The following TENM3 variants were observed in gnomAD, a reference collection of about 807,000 sequenced individuals.
TENM3 encodes the protein teneurin-3.
A neutral mutation model predicts 255.1 loss-of-function variants in TENM3; 63 were observed. The ratio of observed to expected loss-of-function variants is 0.25; its 90% confidence interval spans 0.20 to 0.30. The LOEUF (loss-of-function observed/expected upper bound fraction) is 0.30. Among genes scored for constraint, TENM3 ranks in the 10% least tolerant of loss-of-function variants. The probability of loss-of-function intolerance (pLI) is 1.00; values close to 1 mark genes in which losing one functional copy is unlikely to be tolerated. For missense variants in TENM3, 2,929 were observed against 3,461.1 expected (o/e 0.85, Z 3.86); for synonymous variants, 1,306 against 1,322.3 (o/e 0.99, Z 0.27).
chr4:182,490,506 C>T (rs977110473), intron 3 of TENM3, among the ~76,000 whole-genome samples: 1 of 151,908 alleles, frequency 6.6e-6, no homozygotes, highest in African/African-American at 2.4e-5. Flanking sequence ...CAGGAGCTCA[C>T]CAAACAATAA....
At chr4:181,574,523 G>A in the TENM3 span, among the ~76,000 whole-genome samples, 4 of 150,404 alleles carry the variant, frequency 2.7e-5, no homozygotes, top group Non-Finnish European at 4.4e-5. Context: ...GGGCGACAGA[G>A]CGAGACTCCG....
chr4:182,601,605 A>G (rs1182600197), intron 4 of TENM3, among the ~76,000 whole-genome samples: 1 of 152,212 alleles, frequency 6.6e-6, no homozygotes, highest in Non-Finnish European at 1.5e-5. Flanking sequence ...GAGCCCCACT[A>G]TGAATATAAC....
rs375299564 is a variant in TENM3 at position 182,743,177 on chromosome 4, G to A, written c.3387G>A (p.Leu1129=). Residue 1129 remains leucine, a synonymous_variant, in exon 19 of 28, where the codon CTG becomes CTA. Transcript: ENST00000511685. ...GCACTTTATTTCTTCTAGGTATACT[G>A]TACAAGGGAAACGGGGAAAACCAGT... The part of the protein sequence containing the change: ...HHVLDVQNGI[L]YKGNGENQFI... The A allele has an allele frequency of 1.2e-6, 2 of 1,612,118 alleles. No individual in the cohort carries two copies. Among genetic ancestry groups the A allele is most frequent in the Non-Finnish European group, 1.7e-6 (2 of 1,178,328 alleles).
At chr4:181,822,958 G>T in the TENM3 span, among the ~76,000 whole-genome samples, 2 of 152,042 alleles carry the variant, frequency 1.3e-5, no homozygotes, top group Non-Finnish European at 2.9e-5. Flanking sequence ...ACATACAATC[G>T]TATGTGGCAA....
chr4:181,491,079 C>T, the TENM3 span, among the ~76,000 whole-genome samples: 2 of 151,662 alleles, frequency 1.3e-5, no homozygotes, highest in Non-Finnish European at 2.9e-5. Context: ...TCTGAGACTT[C>T]GTGATTTACG....
chr4:181,504,306 T>C, the TENM3 span, among the ~76,000 whole-genome samples: 79 of 152,312 alleles, frequency 5.2e-4, no homozygotes, highest in African/African-American at 1.7e-3. Flanking sequence ...TTGTCTCTCT[T>C]CTTACTCTTG....
intron 7 of TENM3, among the ~76,000 whole-genome samples, chr4:182,675,128 G>A (rs1051040543): frequency 2.0e-5 from 3 of 149,830 alleles, no homozygotes; most frequent in Non-Finnish European, 4.5e-5. Context: ...TGCCCTCCTC[G>A]GCCTCCCAAA....
the TENM3 span, among the ~76,000 whole-genome samples, chr4:182,113,660 T>C: frequency 1.3e-5 from 2 of 152,108 alleles, no homozygotes; most frequent in Non-Finnish European, 2.9e-5. Context: ...AAATAAGTAT[T>C]ACAAATACGA....
chr4:181,930,463 C>T, the TENM3 span, among the ~76,000 whole-genome samples: 1 of 152,110 alleles, frequency 6.6e-6, no homozygotes, highest in African/African-American at 2.4e-5. Flanking sequence ...CAAGACTAAA[C>T]CAGGAAGAAG....
the TENM3 span, among the ~76,000 whole-genome samples, chr4:181,944,707 G>A: frequency 6.6e-6 from 1 of 151,962 alleles, no homozygotes; most frequent in Admixed American, 6.6e-5. Flanking sequence ...GGGCCACACC[G>A]TGCCTCTCTG....
intron 3 of TENM3, among the ~76,000 whole-genome samples, chr4:182,523,749 A>G (rs1297456686): frequency 6.6e-6 from 1 of 152,186 alleles, no homozygotes. Context: ...TTCTACATAT[A>G]TATCACTTAC....
intron 3 of TENM3, among the ~76,000 whole-genome samples, chr4:182,445,592 G>T (rs143061738): frequency 2.0e-5 from 3 of 151,784 alleles, no homozygotes; most frequent in Non-Finnish European, 2.9e-5. Flanking sequence ...TGAAGTAACA[G>T]CTCATTTGTG....
the TENM3 span, among the ~76,000 whole-genome samples, chr4:181,814,163 A>G: frequency 1.3e-5 from 2 of 152,166 alleles, no homozygotes; most frequent in South Asian, 4.1e-4. Flanking sequence ...TAAAACAGCA[A>G]TAAATTTGAA....
intron 14 of TENM3, 37 bp from the exon 15 acceptor site, chr4:182,730,163 A>G: frequency 6.2e-7 from 1 of 1,612,270 alleles, no homozygotes. Context: ...GCCTGAAAAG[A>G]CAGATGTTCA....
At chr4:181,480,840 T>C in the TENM3 span, among the ~76,000 whole-genome samples, 1 of 149,838 alleles carries the variant, frequency 6.7e-6, no homozygotes, top group South Asian at 2.1e-4. Flanking sequence ...TAGTTACATA[T>C]ATGTTTATTA....
chr4:181,473,781 C>A, the TENM3 span, among the ~76,000 whole-genome samples: 11 of 149,382 alleles, frequency 7.4e-5, no homozygotes, highest in African/African-American at 2.7e-4. Context: ...ACATACATAC[C>A]TATGTATGTG....
chr4:182,565,598 G>A (rs1398260976), intron 3 of TENM3, among the ~76,000 whole-genome samples: 3 of 152,104 alleles, frequency 2.0e-5, no homozygotes, highest in African/African-American at 4.8e-5. Flanking sequence ...TCATTTACCA[G>A]TATGTTTTCA....
rs549075647 is a variant in TENM3 at position 182,533,136 on chromosome 4, A to G, written c.512-67788A>G. Among the ~76,000 whole-genome samples the G allele has an allele frequency of 2.0e-5, 3 of 152,348 alleles. 1 individual carries two copies. The South Asian group carries it at 6.2e-4, about 32-fold the overall frequency. On this transcript the variant is annotated intron_variant, in intron 3 of 27. Coordinates refer to ENST00000511685, the MANE Select transcript of TENM3 (RefSeq NM_001080477.4). ...CATGTGGGCAGGAATCCTGCCTTTT[A>G]AATGTATACATTATCAGTACTCCTG...
At chr4:182,138,451 C>T in the TENM3 span, among the ~76,000 whole-genome samples, 2 of 152,300 alleles carry the variant, frequency 1.3e-5, no homozygotes, top group East Asian at 3.9e-4. Flanking sequence ...AGCACACAGG[C>T]TCTGCGCTTC....
Sources: allele counts gnomAD v4.1 joint callset (sites outside exome capture counted in the v4.1 genomes callset), GRCh38; gene constraint gnomAD v4.1.1; transcripts MANE v1.5; gene names NCBI Gene and HGNC (gene_info 2026-07-23, HGNC 2026-07-21).